WDR5: variants seen among roughly 807,000 people sequenced by gnomAD.
The protein encoded by WDR5 is WD repeat-containing protein 5.
For synonymous variants in WDR5, 144 were observed against 161.6 expected, an observed-to-expected ratio of 0.89 and a Z score of 0.83; for missense variants, 187 against 416.9, an observed-to-expected ratio of 0.45 and a Z score of 4.80.
chr9:134,136,465 C>G (rs1172731652), intron 1 of WDR5, among the ~76,000 whole-genome samples: 4 of 152,036 alleles, frequency 2.6e-5, no homozygotes, highest in Non-Finnish European at 5.9e-5. Flanking sequence ...GCTGACAAGG[C>G]CAGAGCGCCG....
rs566874628 is a variant in WDR5, at chr9:134,148,284, C to G, written c.529-4C>G. On this transcript the variant is annotated splice_polypyrimidine_tract_variant and splice_region_variant and intron_variant, in intron 7 of 13. Coordinates refer to ENST00000358625, the MANE Select transcript of WDR5 (RefSeq NM_017588.3). ...TGTCTCTTCTTCCTCTCCTTAATTCCTAGGTTCATTTTAATCGTGATGGAT... is the reference window on the plus strand; with the variant it reads ...TGTCTCTTCTTCCTCTCCTTAATTCGTAGGTTCATTTTAATCGTGATGGAT... 3.8e-6 allele frequency: 6 copies of G among 1,569,266 alleles called. No individual in the cohort carries two copies. The highest frequency in any genetic ancestry group is 1.1e-5 in the South Asian group (1 of 90,394).
At chr9:134,138,739 G>A (rs1051590697) in intron 1 of WDR5, among the ~76,000 whole-genome samples, 40 of 152,284 alleles carry the variant, frequency 2.6e-4, no homozygotes, top group African/African-American at 8.9e-4. Flanking sequence ...TTTGAGACAT[G>A]CTTTTTAATG....
intron 7 of WDR5, among the ~76,000 whole-genome samples, chr9:134,147,803 T>G (rs1832279936): frequency 6.6e-6 from 1 of 151,920 alleles, no homozygotes; most frequent in Non-Finnish European, 1.5e-5. Flanking sequence ...GAGGATCGTG[T>G]GAGCTCAGGA....
At chr9:134,153,303 GCCTGGGCGCCCCTGAGC>G (rs1387932398) in intron 9 of WDR5, among the ~76,000 whole-genome samples, 2 of 152,192 alleles carry the variant, frequency 1.3e-5, no homozygotes, top group Non-Finnish European at 2.9e-5. Flanking sequence ...TGGGATTCCA[GCCTGGGCGCCCCTGAGC>G]CCAGGGTGGG....
intron 10 of WDR5, 125 bp downstream of exon 10, chr9:134,154,666 G>A: frequency 9.0e-7 from 1 of 1,105,476 alleles, no homozygotes; most frequent in Non-Finnish European, 1.3e-6. Context: ...TCCTGGTGGA[G>A]CTTCGGCTTC....
chr9:134,136,386 C>T (rs1225986055), intron 1 of WDR5, among the ~76,000 whole-genome samples, 186 bp downstream of exon 1: 1 of 151,254 alleles, frequency 6.6e-6, no homozygotes, highest in Non-Finnish European at 1.5e-5. Flanking sequence ...CGGTGGACGG[C>T]CGCGCGCGCA....
At position 134,157,800 on chromosome 9, in the gene WDR5, G is replaced by A. The variant is rs947286228; in HGVS notation, c.905-93G>A. 13 of 1,256,340 alleles carry A rather than the reference G, an allele frequency of 1.0e-5. No homozygotes were observed. The highest frequency in any genetic ancestry group is 2.4e-5 in the East Asian group (1 of 41,506). The allele number at this position is 1,256,340 out of a possible 1,614,324, so 77.8% of individuals were successfully genotyped here. On this transcript the variant is annotated intron_variant, in intron 13 of 13. Coordinates refer to ENST00000358625, the MANE Select transcript of WDR5 (RefSeq NM_017588.3). This position sits in a 1 kb window ranked among gnomAD's most constrained non-coding sequence, Gnocchi z 5.0. ...CCCAGGTGGCGGGCAGGCGCTACCC[G>A]CGTTTCTGGAGAAAGGTGGAGCTCA...
chr9:134,147,563 C>T lies in WDR5; in HGVS notation c.529-725C>T, dbSNP rs140340127. Among the ~76,000 whole-genome samples the T allele has an allele frequency of 3.0e-3, 457 of 152,312 alleles. 4 individuals are homozygous for T. The highest frequency in any genetic ancestry group is 0.01 in the African/African-American group (429 of 41,568). On this transcript the variant is annotated intron_variant, in intron 7 of 13. Coordinates refer to ENST00000358625, the MANE Select transcript of WDR5 (RefSeq NM_017588.3). ...GTCTAAAATGTCAGTGGTGCCAAGG[C>T]TGGGAAACTGCTTCTACTAGACAGT...
chr9:134,154,342 G>T (rs1832651169), intron 9 of WDR5, 124 bp from the exon 10 acceptor site: 1 of 948,360 alleles, frequency 1.1e-6, no homozygotes, highest in South Asian at 1.4e-5. Context: ...GGTGGTGCTG[G>T]CACTGATGGT....
Position 134,139,954 on chromosome 9 carries a change from G to A in WDR5, c.77G>A (p.Ser26Asn). ...ACCCCTTCGTCATCCGCCACTCAGA[G>A]CAAGGTGCGTGCCCAGGGGCCCCTT... is the stretch of plus-strand genomic sequence containing the variant. ...QPTPSSSATQ[S>N]KPTPVKPNYA... The change falls in exon 2 of 14, where the codon AGC becomes AAC. Residue 26 changes from serine (S) to asparagine (N), a missense_variant. Coordinates refer to ENST00000358625, the MANE Select transcript of WDR5 (RefSeq NM_017588.3). The A allele has an allele frequency of 1.9e-6, 3 of 1,613,724 alleles. No individual in the cohort carries two copies. Among genetic ancestry groups the A allele is most frequent in the Non-Finnish European group, 2.5e-6 (3 of 1,180,012 alleles).
rs574967599 is a variant in WDR5, at chr9:134,157,464, G to A, written c.905-429G>A. ...TTGGGGGGAGGCGGTGGGAGTGGGC[G>A]GCTCAGGGTCCGAGGAGAAGAGGGA... is the stretch of plus-strand genomic sequence containing the variant. On this transcript the variant is annotated intron_variant, in intron 13 of 13. Transcript: ENST00000358625. This position sits in a 1 kb window ranked among gnomAD's most constrained non-coding sequence, Gnocchi z 5.0. Among the ~76,000 whole-genome samples the A allele has an allele frequency of 4.1e-4, 63 of 152,204 alleles. No homozygotes were observed. The highest frequency in any genetic ancestry group is 1.4e-3 in the African/African-American group (59 of 41,538).
At chr9:134,155,832 G>C in intron 12 of WDR5, 65 bp downstream of exon 12, 2 of 1,484,856 alleles carry the variant, frequency 1.3e-6, no homozygotes, top group Non-Finnish European at 1.9e-6. Flanking sequence ...GGTCACACCT[G>C]TTACAGGTTG....
chr9:134,143,596 G>A (rs1171920608), intron 7 of WDR5, among the ~76,000 whole-genome samples: 5 of 150,416 alleles, frequency 3.3e-5, no homozygotes, highest in Non-Finnish European at 5.9e-5. Context: ...TTGCGATCTC[G>A]GCTCACTGCA....
At chr9:134,139,757 G>A in intron 1 of WDR5, 63 bp from the exon 2 acceptor site, 1 of 1,074,640 alleles carries the variant, frequency 9.3e-7, no homozygotes, top group African/African-American at 1.6e-5. Flanking sequence ...CCTTTTTCTT[G>A]GAAATCAATT....
intron 9 of WDR5, 67 bp downstream of exon 9, chr9:134,152,096 T>A: frequency 2.6e-6 from 4 of 1,553,440 alleles, no homozygotes; most frequent in Non-Finnish European, 3.5e-6. Context: ...TCACTGCCCC[T>A]GTTCTTCACC....
At chr9:134,138,892 C>A (rs978630163) in intron 1 of WDR5, among the ~76,000 whole-genome samples, 1 of 152,184 alleles carries the variant, frequency 6.6e-6, no homozygotes, top group Non-Finnish European at 1.5e-5. Flanking sequence ...TATTTGCAAG[C>A]ATGTCTCAGT....
chr9:134,139,223 C>T (rs192451651), intron 1 of WDR5, among the ~76,000 whole-genome samples: 365 of 152,272 alleles, frequency 2.4e-3, no homozygotes, highest in Non-Finnish European at 3.3e-3. Context: ...TCACTGAGTG[C>T]GCGAGCCCTG....
At position 134,156,414 on chromosome 9, in the gene WDR5, G is replaced by A. The variant is rs1282861782; in HGVS notation, c.817-92G>A. 4 of 1,307,820 alleles carry A rather than the reference G, an allele frequency of 3.1e-6. No individual in the cohort carries two copies. In the Admixed American group the frequency reaches 6.9e-5, roughly 23 times the overall value. 81.0% of individuals were successfully genotyped at this position (1,307,820 alleles called of 1,614,324 possible). ...GCAGCCACCAGCAGGGTGGGCGTGG[G>A]GCAGGGCATAACTGGAGATTCTCTC... On this transcript the variant is annotated intron_variant, in intron 12 of 13. Coordinates refer to ENST00000358625, the MANE Select transcript of WDR5 (RefSeq NM_017588.3).
At chr9:134,150,810 G>C (rs1832451206) in intron 8 of WDR5, among the ~76,000 whole-genome samples, 1 of 152,140 alleles carries the variant, frequency 6.6e-6, no homozygotes, top group South Asian at 2.1e-4. Flanking sequence ...TGCCCTGCTA[G>C]CTACGTGGTG....
Sources: gnomAD v4.1 joint callset for allele counts (sites outside exome capture counted in the v4.1 genomes callset) on GRCh38, gnomAD v4.1.1 for gene constraint, Gnocchi (gnomAD v3.1) non-coding constraint, MANE v1.5 for transcripts, NCBI Gene and HGNC (gene_info 2026-07-23, HGNC 2026-07-21) for gene names.